The following TAF4B variants were observed in gnomAD, a reference collection of about 807,000 sequenced individuals.
TAF4B encodes the protein TATA-box binding protein associated factor 4b, also known as transcription initiation factor TFIID subunit 4B.
Under a neutral mutation model 86.4 loss-of-function variants are expected in TAF4B, and 38 were observed. The observed-to-expected ratio is 0.44, with a 90% CI of 0.34 to 0.58. The LOEUF (loss-of-function observed/expected upper bound fraction) is 0.58, where lower values mean the gene tolerates loss of function less well. TAF4B is among the 20% of genes least tolerant of loss of function. The pLI is 0.02. For missense variants in TAF4B, 988 were observed against 1,027.6 expected (o/e 0.96, Z 0.53); for synonymous variants, 388 against 391.2 (o/e 0.99, Z 0.10).
intron 7 of TAF4B, among the ~76,000 whole-genome samples, chr18:26,288,235 T>TA (rs1002192925): frequency 3.3e-5 from 5 of 152,242 alleles, no homozygotes; most frequent in African/African-American, 1.2e-4. Context: ...TATAGCTACA[T>TA]AGTTTTAAAA....
chr18:26,279,139 A>G (rs1427624817), intron 5 of TAF4B, among the ~76,000 whole-genome samples: 1 of 152,186 alleles, frequency 6.6e-6, no homozygotes, highest in African/African-American at 2.4e-5. Flanking sequence ...AGACTCTGCC[A>G]AAAGGCTTCT....
intron 13 of TAF4B, among the ~76,000 whole-genome samples, chr18:26,341,655 C>T (rs1263857622): frequency 6.6e-6 from 1 of 151,950 alleles, no homozygotes; most frequent in African/African-American, 2.4e-5. Context: ...CTCAGATGTT[C>T]TGGACAGTGT....
chr18:26,371,619 G>T (rs1173114623), intron 14 of TAF4B, among the ~76,000 whole-genome samples: 1 of 152,204 alleles, frequency 6.6e-6, no homozygotes, highest in Non-Finnish European at 1.5e-5. Flanking sequence ...AGAGATCTTT[G>T]ATATTGGCTA....
chr18:26,300,646 A>T (rs1292062364), intron 9 of TAF4B, among the ~76,000 whole-genome samples: 1 of 152,110 alleles, frequency 6.6e-6, no homozygotes, highest in Non-Finnish European at 1.5e-5. Flanking sequence ...GAGACTTCTC[A>T]GTGTGACTAA....
In TAF4B at chr18:26,282,054, T is replaced by A. The variant is rs772625344; in HGVS notation, c.966T>A (p.Phe322Leu). 6.2e-7 allele frequency: 1 copy of A among 1,610,266 alleles called. No homozygotes were observed. The highest frequency in any genetic ancestry group is 8.5e-7 in the Non-Finnish European group (1 of 1,177,354). ...CACCTCAGCCTCACCTGGTTCCTTT[T>A]CTTAAGGTAGAGTTATGTGTCACTT... ...KSSPQPHLVPFLKKSVVALRQ... is the reference protein window; with the variant it reads ...KSSPQPHLVPLLKKSVVALRQ... Residue 322 changes from phenylalanine (F) to leucine (L), a missense_variant, in exon 6 of 15, where the codon TTT becomes TTA. Transcript: ENST00000269142.
At chr18:26,303,142 TACTC>T in intron 9 of TAF4B, among the ~76,000 whole-genome samples, 1 of 69,934 alleles carries the variant, frequency 1.4e-5, no homozygotes, top group South Asian at 8.4e-4. Context: ...TCCACTTTCA[TACTC>T]CCTCCACTTT....
At chr18:26,337,702 C>T (rs777794062) in intron 13 of TAF4B, among the ~76,000 whole-genome samples, 2 of 152,038 alleles carry the variant, frequency 1.3e-5, no homozygotes, top group East Asian at 1.9e-4. Flanking sequence ...GAATTACAGG[C>T]GTGAGCAACT....
intron 14 of TAF4B, among the ~76,000 whole-genome samples, chr18:26,358,220 A>G (rs2057303625): frequency 1.3e-5 from 2 of 152,114 alleles, no homozygotes; most frequent in African/African-American, 4.8e-5. Flanking sequence ...TTTTCTGAGT[A>G]TATGTGTTTG....
chr18:26,350,758 A>C (rs966903611), intron 13 of TAF4B, among the ~76,000 whole-genome samples: 2 of 152,236 alleles, frequency 1.3e-5, no homozygotes, highest in Non-Finnish European at 2.9e-5. Flanking sequence ...AACAGCCAAC[A>C]GGTATGGGAA....
chr18:26,277,439 A>G (rs1033758990), intron 5 of TAF4B, among the ~76,000 whole-genome samples: 1 of 152,224 alleles, frequency 6.6e-6, no homozygotes, highest in Non-Finnish European at 1.5e-5. Context: ...ACTGACATTT[A>G]AGTGAAAACC....
chr18:26,300,408 AAAAT>A (rs1280458211), intron 9 of TAF4B, among the ~76,000 whole-genome samples: 1 of 150,046 alleles, frequency 6.7e-6, no homozygotes, highest in Non-Finnish European at 1.5e-5. Flanking sequence ...CAACAACAAA[AAAAT>A]CCTATCAATT....
At chr18:26,383,647 CTA>C (rs1978304488) in intron 14 of TAF4B, among the ~76,000 whole-genome samples, 2 of 152,268 alleles carry the variant, frequency 1.3e-5, no homozygotes, top group East Asian at 3.9e-4. Flanking sequence ...TATATTATCT[CTA>C]TAGCTCTCAT....
At chr18:26,229,717 G>T (rs2055634814) in intron 1 of TAF4B, among the ~76,000 whole-genome samples, 1 of 151,938 alleles carries the variant, frequency 6.6e-6, no homozygotes, top group Non-Finnish European at 1.5e-5. Flanking sequence ...TGGCCAGGCT[G>T]GTCTCGAACT....
rs199554921 is a variant in TAF4B, at chr18:26,284,053, CA to C, written c.973-1814del. ...GGGTGACAAGAGTGAGACTCCGTCT[CA>C]AAAAAAAAAAAAAATCTTAGCTATA... On this transcript the variant is annotated intron_variant, in intron 6 of 14. Coordinates refer to ENST00000269142, the MANE Select transcript of TAF4B (RefSeq NM_005640.3). Among the ~76,000 whole-genome samples, 608 of 130,230 alleles carry C rather than the reference CA, an allele frequency of 4.7e-3. 2 individuals are homozygous for C. The highest frequency in any genetic ancestry group is 0.017 in the South Asian group (68 of 4,076). 85.4% of individuals were successfully genotyped at this position (130,230 alleles called of 152,430 possible). A position where few individuals can be genotyped will look rare whatever the true frequency, so the allele number is the denominator to read the frequency against.
intron 5 of TAF4B, among the ~76,000 whole-genome samples, chr18:26,278,616 G>GTT (rs57064009): frequency 7.1e-6 from 1 of 140,450 alleles, no homozygotes; most frequent in Non-Finnish European, 1.5e-5. Flanking sequence ...GCCTTCTGTT[G>GTT]TTTTTTTTTT....
chr18:26,346,883 A>ATGTGTG lies in TAF4B; in HGVS notation c.2317-10806_2317-10805insGTGTGT, dbSNP rs1567914217. Among the ~76,000 whole-genome samples the ATGTGTG allele has an allele frequency of 1.8e-3, 14 of 7,768 alleles. 5 individuals carry two copies. Among genetic ancestry groups the ATGTGTG allele is most frequent in the Admixed American group, 3.9e-3 (2 of 512 alleles). 5.1% of individuals were successfully genotyped at this position (7,768 alleles called of 152,430 possible). A position where few individuals can be genotyped will look rare whatever the true frequency, so the allele number is the denominator to read the frequency against. On this transcript the variant is annotated intron_variant, in intron 13 of 14. Coordinates refer to ENST00000269142, the MANE Select transcript of TAF4B (RefSeq NM_005640.3). The stretch of plus-strand genomic sequence containing the variant: ...TGTGTATATATATATATGTGTATAT[A>ATGTGTG]TATATATATATATATATGTGTGTGT...
chr18:26,326,339 A>G lies in TAF4B; in HGVS notation c.2134-676A>G, dbSNP rs375229284. Among the ~76,000 whole-genome samples, 35 of 152,328 alleles carry G rather than the reference A, an allele frequency of 2.3e-4. No individual in the cohort carries two copies. The East Asian group carries it at 4.0e-3, about 18-fold the overall frequency. ...TATCATTTTATGGAACAATTAAGAC[A>G]GTTTATACTTCTGTTATGGCTGTCA... On this transcript the variant is annotated intron_variant, in intron 11 of 14. Coordinates refer to ENST00000269142, the MANE Select transcript of TAF4B (RefSeq NM_005640.3).
chr18:26,259,337 A>G (rs1166270515), intron 1 of TAF4B, among the ~76,000 whole-genome samples: 2 of 151,240 alleles, frequency 1.3e-5, no homozygotes, highest in Non-Finnish European at 2.9e-5. Context: ...CACAACATGC[A>G]GGTTTGTTAC....
At chr18:26,270,096 T>C (rs960395345) in intron 3 of TAF4B, among the ~76,000 whole-genome samples, 1 of 152,146 alleles carries the variant, frequency 6.6e-6, no homozygotes, top group Non-Finnish European at 1.5e-5. Context: ...AAAAATATAT[T>C]GTGGAGAGAA....
Sources: allele counts gnomAD v4.1 joint callset (sites outside exome capture counted in the v4.1 genomes callset), GRCh38; gene constraint gnomAD v4.1.1; transcripts MANE v1.5; gene names NCBI Gene and HGNC (gene_info 2026-07-23, HGNC 2026-07-21).